Variants in EVL observed in about 807,000 individuals in gnomAD.
The protein encoded by EVL is ena/VASP-like protein.
Under a neutral mutation model 59.6 loss-of-function variants are expected in EVL, and 21 were observed. That is an observed-to-expected ratio of 0.35 (90% CI 0.25 to 0.51). EVL has a LOEUF of 0.51. Among genes scored for constraint, EVL ranks in the 20% least tolerant of loss-of-function variants. The pLI is 0.97. For synonymous variants in EVL, 198 were observed against 203.5 expected, an observed-to-expected ratio of 0.97 and a Z score of 0.23; for missense variants, 462 against 546.6, an observed-to-expected ratio of 0.85 and a Z score of 1.54.
At chr14:99,997,854 T>C (rs1406257227) in intron 1 of EVL, among the ~76,000 whole-genome samples, 1 of 152,156 alleles carries the variant, frequency 6.6e-6, no homozygotes, top group African/African-American at 2.4e-5. Flanking sequence ...GGGGAAATAC[T>C]CTATACAGTT....
At chr14:100,038,605 T>G (rs1465600595) in intron 1 of EVL, among the ~76,000 whole-genome samples, 1 of 152,056 alleles carries the variant, frequency 6.6e-6, no homozygotes, top group Non-Finnish European at 1.5e-5. Flanking sequence ...AATAAGCTAG[T>G]TTTATTAATT....
At chr14:100,028,944 C>T (rs2061266340) in intron 1 of EVL, among the ~76,000 whole-genome samples, 1 of 152,220 alleles carries the variant, frequency 6.6e-6, no homozygotes, top group Non-Finnish European at 1.5e-5. Context: ...ATGACTGTCA[C>T]TTTATTTCTC....
At chr14:100,093,134 G>A (rs181917739) in intron 2 of EVL, among the ~76,000 whole-genome samples, 34 of 152,308 alleles carry the variant, frequency 2.2e-4, no homozygotes, top group Non-Finnish European at 3.5e-4. Context: ...TCAACAAATG[G>A]TCAAGTGACA....
chr14:100,054,049 C>CTTTTTTTTTTTTTTTTT (rs11302582), intron 1 of EVL, among the ~76,000 whole-genome samples: 1 of 61,232 alleles, frequency 1.6e-5, no homozygotes. Flanking sequence ...TATTTTTGGA[C>CTTTTTTTTTTTTTTTTT]TTTTTTTTTT....
chr14:100,042,846 A>G (rs1318663740), intron 1 of EVL, among the ~76,000 whole-genome samples: 2 of 152,186 alleles, frequency 1.3e-5, no homozygotes, highest in African/African-American at 2.4e-5. Flanking sequence ...TATACTCACC[A>G]GCATTGATGT....
chr14:100,091,527 G>A (rs1321032874), intron 2 of EVL, among the ~76,000 whole-genome samples: 1 of 152,180 alleles, frequency 6.6e-6, no homozygotes, highest in Non-Finnish European at 1.5e-5. Flanking sequence ...AGCTGACCTG[G>A]TGGAGGTTCC....
chr14:99,977,432 T>C (rs1197953506), intron 1 of EVL: 1 of 152,148 alleles, frequency 6.6e-6, no homozygotes, highest in Non-Finnish European at 1.5e-5. Flanking sequence ...GGAGTCTCAC[T>C]CTGTTGCCTG....
chr14:100,018,172 G>A (rs2061066970), intron 1 of EVL, among the ~76,000 whole-genome samples: 2 of 152,204 alleles, frequency 1.3e-5, no homozygotes, highest in Non-Finnish European at 2.9e-5. Flanking sequence ...TGGATGCCAC[G>A]CAGGTGGCAG....
intron 3 of EVL, among the ~76,000 whole-genome samples, chr14:100,104,657 C>T (rs770466722): frequency 1.3e-5 from 2 of 152,140 alleles, no homozygotes; most frequent in Non-Finnish European, 1.5e-5. Context: ...TGAGGTAGTT[C>T]TGCATTAAAA....
intron 1 of EVL, among the ~76,000 whole-genome samples, chr14:100,038,293 A>G (rs1201387108): frequency 6.6e-6 from 1 of 152,264 alleles, no homozygotes; most frequent in Non-Finnish European, 1.5e-5. Flanking sequence ...GACAAAGCAA[A>G]TAAATCCACA....
chr14:100,025,159 T>C (rs1223952043), intron 1 of EVL, among the ~76,000 whole-genome samples: 1 of 152,184 alleles, frequency 6.6e-6, no homozygotes, highest in Non-Finnish European at 1.5e-5. Flanking sequence ...TCACTCCTGT[T>C]CTCAAACCAC....
At position 99,979,308 on chromosome 14, in the gene EVL, A is replaced by G. The variant is rs911225908; in HGVS notation, c.5+7251A>G. On this transcript the variant is annotated intron_variant, in intron 1 of 13. Coordinates refer to the EVL transcript ENST00000402714. ...CTATTTCTGCTTATATATTCGAGTCATTTATCTATTGGGAACATTCTCTTC... is the reference window on the plus strand; with the variant it reads ...CTATTTCTGCTTATATATTCGAGTCGTTTATCTATTGGGAACATTCTCTTC... Among the ~76,000 whole-genome samples, 5 of 151,984 alleles carry G rather than the reference A, an allele frequency of 3.3e-5. No individual in the cohort carries two copies. In the South Asian group the frequency reaches 1.0e-3, roughly 31 times the overall value.
chr14:100,002,484 A>G (rs1320844283), intron 1 of EVL, among the ~76,000 whole-genome samples: 1 of 152,218 alleles, frequency 6.6e-6, no homozygotes, highest in East Asian at 1.9e-4. Flanking sequence ...TCATACCAGA[A>G]TTATAGGAGT....
chr14:99,993,574 A>G (rs2060889671), intron 1 of EVL, among the ~76,000 whole-genome samples: 1 of 151,896 alleles, frequency 6.6e-6, no homozygotes, highest in African/African-American at 2.4e-5. Flanking sequence ...ATTCTTATTT[A>G]AATGTTTGGA....
At chr14:100,118,427 A>C (rs996264944) in intron 3 of EVL, among the ~76,000 whole-genome samples, 1 of 152,248 alleles carries the variant, frequency 6.6e-6, no homozygotes, top group Non-Finnish European at 1.5e-5. Context: ...AAAAGGTACA[A>C]TACAAGGACC....
At chr14:100,026,533 G>A (rs1205266141) in intron 1 of EVL, among the ~76,000 whole-genome samples, 1 of 152,148 alleles carries the variant, frequency 6.6e-6, no homozygotes, top group Non-Finnish European at 1.5e-5. Flanking sequence ...CCTGGCACGT[G>A]CTCCACAGAT....
At chr14:100,067,976 A>G (rs1051055207) in intron 1 of EVL, among the ~76,000 whole-genome samples, 3 of 152,352 alleles carry the variant, frequency 2.0e-5, no homozygotes, top group African/African-American at 7.2e-5. Flanking sequence ...ACTGGCAGGC[A>G]TCACAGGCAA....
chr14:100,118,585 G>A (rs1339088158), intron 3 of EVL, among the ~76,000 whole-genome samples: 2 of 152,104 alleles, frequency 1.3e-5, no homozygotes, highest in African/African-American at 2.4e-5. Context: ...ACGGGAGCCC[G>A]CCTCTTGCAG....
intron 1 of EVL, among the ~76,000 whole-genome samples, chr14:100,036,406 A>G (rs1297965365): frequency 6.6e-6 from 1 of 152,212 alleles, no homozygotes; most frequent in Non-Finnish European, 1.5e-5. Context: ...TGAAAGCTTC[A>G]AATCATTATT....
Sources: allele counts gnomAD v4.1 joint callset (sites outside exome capture counted in the v4.1 genomes callset), GRCh38; gene constraint gnomAD v4.1.1; transcripts MANE v1.5; gene names NCBI Gene and HGNC (gene_info 2026-07-23, HGNC 2026-07-21).